The following NRXN1 variants were observed in gnomAD, a reference collection of about 807,000 sequenced individuals.
NRXN1 encodes neurexin-1.
A neutral mutation model predicts 150.9 loss-of-function variants in NRXN1; 39 were observed. That is an observed-to-expected ratio of 0.26 (90% CI 0.20 to 0.34). NRXN1 has a LOEUF of 0.34. NRXN1 is among the 10% of genes least tolerant of loss of function. NRXN1 has a pLI of 1.00. For missense variants in NRXN1, 1,815 were observed against 1,949.9 expected (o/e 0.93, Z 1.30); for synonymous variants, 924 against 757.0 (o/e 1.22, Z -3.62).
chr2:50,063,519 G>A (rs1297141758), intron 19 of NRXN1, among the ~76,000 whole-genome samples: 3 of 146,366 alleles, frequency 2.0e-5, no homozygotes, highest in Non-Finnish European at 4.5e-5. Flanking sequence ...GCATCCCTGT[G>A]TACTCAACAT....
At position 50,856,564 on chromosome 2, in the gene NRXN1, T is replaced by C. The variant is rs1675300247; in HGVS notation, c.832+65305A>G. Among the ~76,000 whole-genome samples, 5 of 152,068 alleles carry C rather than the reference T, an allele frequency of 3.3e-5. 1 individual carries two copies. In the South Asian group the frequency reaches 1.0e-3, roughly 31 times the overall value. The stretch of plus-strand genomic sequence containing the variant: ...CGGTGAAAATATGTAAGATTTATTC[T>C]AGGTTTATCATTCAGACCAAACCTA... On this transcript the variant is annotated intron_variant, in intron 5 of 22. Coordinates refer to ENST00000401669, the MANE Select transcript of NRXN1 (RefSeq NM_001330078.2).
At chr2:50,212,040 A>G (rs905215231) in intron 18 of NRXN1, among the ~76,000 whole-genome samples, 50 of 151,542 alleles carry the variant, frequency 3.3e-4, no homozygotes, top group African/African-American at 1.0e-3. Context: ...TTATTGGCAA[A>G]CTAAATCCAC....
intron 17 of NRXN1, among the ~76,000 whole-genome samples, chr2:50,371,606 G>A (rs1175113843): frequency 1.3e-5 from 2 of 151,870 alleles, no homozygotes; most frequent in African/African-American, 4.8e-5. Context: ...TGGGATCTAC[G>A]AATAAGTTTC....
Position 50,091,407 on chromosome 2 carries a change from A to T in NRXN1, c.3634T>A (p.Tyr1212Asn), listed in dbSNP as rs1699540315. ...CTCCTCGTGAAACGAACTACATGGT[A>T]TTTCCCATCATTAATGATTGCATTG... The part of the protein sequence containing the change: ...ESNAIINDGK[Y>N]HVVRFTRSGG... Residue 1212 changes from tyrosine (Y) to asparagine (N), a missense_variant, in exon 19 of 23, where the codon TAC becomes AAC. This residue lies in a region of NRXN1 where 339 missense variants were observed against 440.3 expected (regional missense o/e 0.77). Coordinates refer to ENST00000401669, the MANE Select transcript of NRXN1 (RefSeq NM_001330078.2). 3.7e-6 allele frequency: 6 copies of T among 1,614,204 alleles called. No homozygotes were observed. Among genetic ancestry groups the T allele is most frequent in the Non-Finnish European group, 5.1e-6 (6 of 1,180,028 alleles).
chr2:50,962,667 T>G (rs980682006), intron 2 of NRXN1, among the ~76,000 whole-genome samples: 2 of 151,794 alleles, frequency 1.3e-5, no homozygotes, highest in African/African-American at 4.8e-5. Flanking sequence ...GTTTTGCCTC[T>G]GAAGTTATGA....
chr2:50,070,455 A>T (rs1696080619), intron 19 of NRXN1, among the ~76,000 whole-genome samples: 2 of 152,064 alleles, frequency 1.3e-5, no homozygotes, highest in Admixed American at 6.5e-5. Context: ...TTCCAATCAA[A>T]TCTGTCAGGG....
chr2:50,290,044 A>C (rs1488381345), intron 17 of NRXN1, among the ~76,000 whole-genome samples: 4 of 152,190 alleles, frequency 2.6e-5, no homozygotes, highest in Non-Finnish European at 5.9e-5. Flanking sequence ...AAGTTATAAT[A>C]GTGAGAAAAT....
chr2:50,014,812 C>T (rs927393905), intron 21 of NRXN1, among the ~76,000 whole-genome samples: 6 of 152,032 alleles, frequency 3.9e-5, no homozygotes, highest in African/African-American at 1.4e-4. Flanking sequence ...CATAATCTTT[C>T]TAGGCAGGAA....
At chr2:50,408,623 C>T (rs2082917117) in intron 17 of NRXN1, among the ~76,000 whole-genome samples, 1 of 152,074 alleles carries the variant, frequency 6.6e-6, no homozygotes, top group African/African-American at 2.4e-5. Flanking sequence ...TTTCGAGGTC[C>T]CCCTAATTTG....
At chr2:50,978,258 T>C (rs1344472675) in intron 2 of NRXN1, among the ~76,000 whole-genome samples, 1 of 84,062 alleles carries the variant, frequency 1.2e-5, no homozygotes, top group Non-Finnish European at 2.7e-5. Context: ...ATACTCTGAA[T>C]ATGGATATTA....
At chr2:50,941,322 T>C (rs1299070172) in intron 2 of NRXN1, among the ~76,000 whole-genome samples, 2 of 152,104 alleles carry the variant, frequency 1.3e-5, no homozygotes, top group Non-Finnish European at 2.9e-5. Context: ...GCTATAAAGG[T>C]ACCCGAAAAT....
At chr2:50,804,525 T>C (rs1393374444) in intron 5 of NRXN1, among the ~76,000 whole-genome samples, 2 of 152,212 alleles carry the variant, frequency 1.3e-5, no homozygotes, top group Non-Finnish European at 2.9e-5. Context: ...TTTTCAAATA[T>C]GCCGTCTTGT....
At chr2:50,133,154 G>A (rs535742094) in intron 18 of NRXN1, among the ~76,000 whole-genome samples, 18 of 152,278 alleles carry the variant, frequency 1.2e-4, no homozygotes, top group Admixed American at 2.0e-4. Flanking sequence ...GCAGTTTTGA[G>A]TAACTGGAGA....
intron 17 of NRXN1, among the ~76,000 whole-genome samples, chr2:50,335,272 T>C (rs1465756064): frequency 6.6e-6 from 1 of 152,232 alleles, no homozygotes; most frequent in Non-Finnish European, 1.5e-5. Context: ...TATTTTGAAA[T>C]GCTTGTGTTC....
rs141717151 is a variant in NRXN1, at chr2:50,930,962, T to G, written c.773-5007A>C. On this transcript the variant is annotated intron_variant, in intron 2 of 22. Coordinates refer to ENST00000401669, the MANE Select transcript of NRXN1 (RefSeq NM_001330078.2). ...ATACAGAGCAAGAAAGCTCTTGGAC[T>G]GAGGTTAAGAGAGTGAACTTAAATA... 2.1e-3 allele frequency among the ~76,000 whole-genome samples: 326 copies of G among 152,288 alleles called. 4 individuals carry two copies. The highest frequency in any genetic ancestry group is 7.5e-3 in the African/African-American group (311 of 41,566).
chr2:50,785,243 C>CTTTTTTTTTT (rs35158893), intron 5 of NRXN1, among the ~76,000 whole-genome samples: 1 of 106,066 alleles, frequency 9.4e-6, no homozygotes, highest in African/African-American at 3.4e-5. Flanking sequence ...AGAAAATACA[C>CTTTTTTTTTT]TTTTTTTTTT....
chr2:50,152,273 T>C (rs1219544378), intron 18 of NRXN1, among the ~76,000 whole-genome samples: 1 of 151,842 alleles, frequency 6.6e-6, no homozygotes, highest in Non-Finnish European at 1.5e-5. Flanking sequence ...TCTAGGTACA[T>C]TATATAAGTA....
rs562431267 is a variant in NRXN1 at position 50,454,775 on chromosome 2, TA to T, written c.3364+10666del. Among the ~76,000 whole-genome samples the T allele has an allele frequency of 2.4e-3, 363 of 149,880 alleles. 1 individual carries two copies. The highest frequency in any genetic ancestry group is 8.6e-3 in the African/African-American group (349 of 40,664). On this transcript the variant is annotated intron_variant, in intron 17 of 22. Transcript: ENST00000401669. ...AGCATTTAATAAGTGTTATGAGAAA[TA>T]ATACCAAAAACAGAAGAATGAGATA... is the stretch of plus-strand genomic sequence containing the variant.
intron 5 of NRXN1, among the ~76,000 whole-genome samples, chr2:50,779,878 T>C (rs1159670117): frequency 6.6e-6 from 1 of 152,256 alleles, no homozygotes; most frequent in Non-Finnish European, 1.5e-5. Context: ...CTTGGGTATA[T>C]ACCCAGTAAT....
Sources: allele counts gnomAD v4.1 joint callset (sites outside exome capture counted in the v4.1 genomes callset), GRCh38; gene constraint gnomAD v4.1.1; regional missense constraint gnomAD v4.1.1; transcripts MANE v1.5; gene names NCBI Gene and HGNC (gene_info 2026-07-23, HGNC 2026-07-21).